Variants in VWF observed in about 807,000 individuals in gnomAD.
VWF encodes Factor VIII related antigen.
VWF carries 176 observed loss-of-function variants against 308.6 expected under a neutral mutation model. That is an observed-to-expected ratio of 0.57 (90% CI 0.50 to 0.65). VWF has a LOEUF of 0.65. VWF is among the 30% of genes least tolerant of loss of function. The probability of loss-of-function intolerance (pLI) is 0.00; values close to 1 mark genes in which losing one functional copy is unlikely to be tolerated. For missense variants in VWF, 3,146 were observed against 3,648.2 expected, an observed-to-expected ratio of 0.86 and a Z score of 3.55; for synonymous variants, 1,385 against 1,443.4, an observed-to-expected ratio of 0.96 and a Z score of 0.92.
rs756632885 is a variant in VWF, at chr12:5,983,476, G to GATAC, written c.6977-226_6977-223dup. Among the ~76,000 whole-genome samples, 233 of 73,364 alleles carry GATAC rather than the reference G, an allele frequency of 3.2e-3. 1 individual carries two copies. The highest frequency in any genetic ancestry group is 7.2e-3 in the African/African-American group (171 of 23,588). 48.1% of individuals were successfully genotyped at this position (73,364 alleles called of 152,430 possible). ...ATGAGATAGATTTGATAGATAGATA[G>GATAC]ATACATACATACATACATACATACA... On this transcript the variant is annotated intron_variant, in intron 40 of 51. Coordinates refer to ENST00000261405, the MANE Select transcript of VWF (RefSeq NM_000552.5).
chr12:6,058,450 G>C lies in VWF; in HGVS notation c.1534-406C>G, dbSNP rs1944617042. Among the ~76,000 whole-genome samples, 1 of 152,154 alleles carries C rather than the reference G, an allele frequency of 6.6e-6. No individual in the cohort carries two copies. The highest frequency in any genetic ancestry group is 2.1e-4 in the South Asian group (1 of 4,824). Reference sequence around the variant, plus strand: ...CTGTGCCATCCACACCAGTGGGCCTGACCCCCCCACCCAGAGTTACGTGCA... The same window carrying C: ...CTGTGCCATCCACACCAGTGGGCCTCACCCCCCCACCCAGAGTTACGTGCA... On this transcript the variant is annotated intron_variant, in intron 13 of 51. Coordinates refer to ENST00000261405, the MANE Select transcript of VWF (RefSeq NM_000552.5). The surrounding 1 kb of genome is among the most constrained non-coding windows in gnomAD (Gnocchi z 4.9).
chr12:6,082,116 A>G lies in VWF; in HGVS notation c.658-6565T>C, dbSNP rs184869698. 4.2e-3 allele frequency among the ~76,000 whole-genome samples: 641 copies of G among 152,046 alleles called. 1 individual carries two copies. Among genetic ancestry groups the G allele is most frequent in the African/African-American group, 0.014 (571 of 41,476 alleles). ...TGAGTAGCTGATATTACAGGTGCAC[A>G]CCACCACGCCCGGCTAATTTTTGTA... On this transcript the variant is annotated intron_variant, in intron 6 of 51. Coordinates refer to ENST00000261405, the MANE Select transcript of VWF (RefSeq NM_000552.5).
intron 47 of VWF, among the ~76,000 whole-genome samples, chr12:5,961,471 T>C (rs370268253): frequency 1.3e-5 from 2 of 151,036 alleles, no homozygotes; most frequent in Non-Finnish European, 2.9e-5. Flanking sequence ...ATTAGCCAGT[T>C]TGATAACAAG....
Position 6,092,610 on chromosome 12 carries a change from T to TGTGA in VWF, c.657+2849_657+2850insTCAC, listed in dbSNP as rs1555073685. On this transcript the variant is annotated intron_variant, in intron 6 of 51. Coordinates refer to ENST00000261405, the MANE Select transcript of VWF (RefSeq NM_000552.5). ...CCACCATGCCCAGCTAGTTAGTGAG[T>TGTGA]GAGTGAGAGTGTGTGTGTGTGTGTG... is the stretch of plus-strand genomic sequence containing the variant. 8.8e-4 allele frequency among the ~76,000 whole-genome samples: 50 copies of TGTGA among 57,052 alleles called. 1 individual carries two copies. The South Asian group carries it at 1.0e-2, about 11-fold the overall frequency. 37.4% of individuals were successfully genotyped at this position (57,052 alleles called of 152,430 possible).
In VWF at chr12:6,052,626, G is replaced by C. The variant is rs78995469; in HGVS notation, c.2103C>G (p.Cys701Trp). The C allele has an allele frequency of 3.7e-6, 6 of 1,614,102 alleles. No homozygotes were observed. The highest frequency in any genetic ancestry group is 2.7e-5 in the African/African-American group (2 of 74,942). ...AACAGGGGCACTGGGCCTTGGGCAC[G>C]CAGTCCCCCCTCTCATCCATGTAGA... ...PGLYMDERGD[C>W]VPKAQCPCYY... is the part of the protein sequence containing the mutation. Residue 701 changes from cysteine to tryptophan, a missense_variant, in exon 16 of 52, where the codon TGC becomes TGG. Physicochemically the swap from Cys to Trp is radical, Grantham distance 215. This residue lies in a region of VWF where 1,304 missense variants were observed against 1,353.0 expected (regional missense o/e 0.96). Transcript: ENST00000261405.
rs751730403 is a variant in VWF, at chr12:6,121,356, A to G, written c.56-18T>C. Reference sequence around the variant, plus strand: ...AAGGGTCCCTGGAGGGAGAGGCCACAGGTTGGGCTGGTGATCTCAGGGCAC... The same window carrying G: ...AAGGGTCCCTGGAGGGAGAGGCCACGGGTTGGGCTGGTGATCTCAGGGCAC... On this transcript the variant is annotated intron_variant, in intron 2 of 51. Coordinates refer to ENST00000261405, the MANE Select transcript of VWF (RefSeq NM_000552.5). 1.2e-5 allele frequency: 19 copies of G among 1,612,884 alleles called. No homozygotes were observed. The African/African-American group carries it at 2.4e-4, about 20-fold the overall frequency.
In VWF at chr12:6,018,414, C is replaced by A. The variant is rs61750597; in HGVS notation, c.5004G>T (p.Arg1668Ser). The change falls in exon 28 of 52, where the codon AGG becomes AGT. Residue 1668 changes from arginine (R) to serine (S), a missense_variant. Arg to Ser is a moderately radical substitution (Grantham distance 110). Transcript: ENST00000261405. ...PREAPDLVLQ[R>S]CCSGEGLQIP... Reference sequence around the variant, plus strand: ...TCTGCAGCCCCTCTCCGGAGCAGCACCTCTGCAGCACCAGGTCAGGAGCCT... The same window carrying A: ...TCTGCAGCCCCTCTCCGGAGCAGCAACTCTGCAGCACCAGGTCAGGAGCCT... The A allele has an allele frequency of 1.6e-5, 26 of 1,612,558 alleles. No homozygotes were observed. Among genetic ancestry groups the A allele is most frequent in the Non-Finnish European group, 2.2e-5 (26 of 1,179,494 alleles).
intron 6 of VWF, among the ~76,000 whole-genome samples, chr12:6,087,352 C>CTA: frequency 1.4e-5 from 2 of 139,612 alleles, no homozygotes; most frequent in African/African-American, 5.3e-5. Context: ...AAAGACTTAA[C>CTA]TCTTTTTTTT....
intron 20 of VWF, among the ~76,000 whole-genome samples, chr12:6,033,931 G>A (rs1944302294): frequency 6.6e-6 from 1 of 152,240 alleles, no homozygotes; most frequent in African/African-American, 2.4e-5. Context: ...ACAGAGTACA[G>A]TGCCTCAGCT....
intron 6 of VWF, among the ~76,000 whole-genome samples, chr12:6,092,673 G>GTGTGTGGA: frequency 8.1e-6 from 1 of 123,798 alleles, no homozygotes; most frequent in African/African-American, 3.8e-5. Context: ...GTGTGTGTGT[G>GTGTGTGGA]CTGACCAGCA....
At chr12:6,096,862 T>C (rs1016501382) in intron 5 of VWF, among the ~76,000 whole-genome samples, 3 of 152,116 alleles carry the variant, frequency 2.0e-5, no homozygotes, top group African/African-American at 7.2e-5. Flanking sequence ...AAGAGAGAAG[T>C]AGGTCTCAAG....
intron 6 of VWF, among the ~76,000 whole-genome samples, chr12:6,082,508 AT>A (rs1450515813): frequency 3.3e-5 from 5 of 152,190 alleles, no homozygotes; most frequent in African/African-American, 1.2e-4. Context: ...CTCCTTACAT[AT>A]TTTAAGTTAG....
At chr12:5,982,243 C>A (rs1009984006) in intron 41 of VWF, among the ~76,000 whole-genome samples, 7 of 152,170 alleles carry the variant, frequency 4.6e-5, no homozygotes, top group African/African-American at 1.7e-4. Context: ...GCTGCTCAAT[C>A]CCTGCTCTAT....
In VWF at chr12:6,095,722, C is replaced by T. The variant is rs1245107657; in HGVS notation, c.533-138G>A. ...AAAGAGACAGGGTCTGGCTATGTTT[C>T]CCAGGCTGGAGTGCAGCGGCTATTC... On this transcript the variant is annotated intron_variant, in intron 5 of 51. Coordinates refer to ENST00000261405, the MANE Select transcript of VWF (RefSeq NM_000552.5). The T allele has an allele frequency of 3.9e-6, 5 of 1,287,676 alleles. No homozygotes were observed. In the African/African-American group the frequency reaches 7.6e-5, roughly 19 times the overall value. The allele number at this position is 1,287,676 out of a possible 1,614,324, so 79.8% of individuals were successfully genotyped here.
intron 42 of VWF, 95 bp downstream of exon 42, chr12:5,981,691 A>C: frequency 7.4e-7 from 1 of 1,354,298 alleles, no homozygotes; most frequent in East Asian, 2.3e-5. Context: ...GGGTAGGTGG[A>C]TGGATGAATG....
intron 15 of VWF, among the ~76,000 whole-genome samples, chr12:6,056,509 G>GTC (rs1944580225): frequency 2.0e-5 from 3 of 152,108 alleles, no homozygotes; most frequent in African/African-American, 7.2e-5. Flanking sequence ...TGGGATCTGG[G>GTC]ACCCATTCGC....
chr12:6,101,369 C>G (rs1041608009), intron 5 of VWF, among the ~76,000 whole-genome samples: 5 of 151,616 alleles, frequency 3.3e-5, no homozygotes, highest in Non-Finnish European at 7.4e-5. Flanking sequence ...TTCTCACCAA[C>G]CAGCATGAGC....
chr12:6,092,612 AGTGAGAGTGTGTGTGT>A lies in VWF; in HGVS notation c.657+2832_657+2847del, dbSNP rs1489564261. The stretch of plus-strand genomic sequence containing the variant: ...ACCATGCCCAGCTAGTTAGTGAGTG[AGTGAGAGTGTGTGTGT>A]GTGTGTGTGTGTGTGTGTGTGTGTG... On this transcript the variant is annotated intron_variant, in intron 6 of 51. Transcript: ENST00000261405. 9.9e-5 allele frequency among the ~76,000 whole-genome samples: 7 copies of A among 70,432 alleles called. No homozygotes were observed. In the East Asian group the frequency reaches 1.1e-3, roughly 11 times the overall value. 46.2% of individuals were successfully genotyped at this position (70,432 alleles called of 152,430 possible).
intron 28 of VWF, among the ~76,000 whole-genome samples, chr12:6,017,437 C>T (rs1328285712): frequency 6.6e-6 from 1 of 152,094 alleles, no homozygotes; most frequent in African/African-American, 2.4e-5. Flanking sequence ...AAATCTATGG[C>T]CGTGAATAAA....
Sources: allele counts gnomAD v4.1 joint callset (sites outside exome capture counted in the v4.1 genomes callset), GRCh38; gene constraint gnomAD v4.1.1; regional missense constraint gnomAD v4.1.1; non-coding constraint Gnocchi (gnomAD v3.1); transcripts MANE v1.5; gene names NCBI Gene and HGNC (gene_info 2026-07-23, HGNC 2026-07-21).